The following CAD variants were observed in gnomAD, a reference collection of about 807,000 sequenced individuals.
CAD encodes multifunctional protein CAD.
In CAD, 81 loss-of-function variants were observed where a neutral mutation model predicts 237.2. The observed-to-expected ratio is 0.34, with a 90% CI of 0.29 to 0.41. The LOEUF is 0.41. Ranked by LOEUF, CAD falls within the 10% of genes least tolerant of loss-of-function variation. The pLI, the probability that CAD is intolerant of heterozygous loss-of-function variation, is 1.00. For missense variants in CAD, 2,181 were observed against 2,951.7 expected, an observed-to-expected ratio of 0.74 and a Z score of 6.05; for synonymous variants, 1,196 against 1,162.8, an observed-to-expected ratio of 1.03 and a Z score of -0.58.
In CAD at chr2:27,224,335, G is replaced by C. The variant is rs1675327226; in HGVS notation, c.1109-10G>C. 1 of 1,614,130 alleles carries C rather than the reference G, an allele frequency of 6.2e-7. No homozygotes were observed. Among genetic ancestry groups the C allele is most frequent in the South Asian group, 1.1e-5 (1 of 91,074 alleles). ...GCTCTAACATTCTACGACCTTCTTT[G>C]CTTCCACAGTTAGAGAGCGGCTGAC... On this transcript the variant is annotated splice_polypyrimidine_tract_variant and intron_variant, in intron 8 of 43. Coordinates refer to ENST00000264705, the MANE Select transcript of CAD (RefSeq NM_004341.5).
At position 27,218,817 on chromosome 2, in the gene CAD, A is replaced by G. The variant is rs147684305; in HGVS notation, c.222+801A>G. Among the ~76,000 whole-genome samples, 489 of 152,332 alleles carry G rather than the reference A, an allele frequency of 3.2e-3. 4 individuals carry two copies. The highest frequency in any genetic ancestry group is 9.4e-3 in the African/African-American group (389 of 41,578). ...AGAGGAAGTCAATCTGGCCTAGAGT[A>G]GTATCTCTCAAAATTTGTTTGGCCT... On this transcript the variant is annotated intron_variant, in intron 2 of 43. Transcript: ENST00000264705.
rs771812975 is a variant in CAD, at chr2:27,242,084, C to T, written c.6057C>T (p.Asp2019=). ...DSVQTMSCYA[D]VVVLRHPQPG... ...TGCAGACCATGAGCTGCTATGCCGA[C>T]GTCGTCGTGCTCCGGCACCCCCAGC... Residue 2019 remains aspartate, a synonymous_variant, in exon 39 of 44, where the codon GAC becomes GAT. Coordinates refer to ENST00000264705, the MANE Select transcript of CAD (RefSeq NM_004341.5). The surrounding 1 kb of genome is among the most constrained non-coding windows in gnomAD (Gnocchi z 6.4). The T allele has an allele frequency of 3.0e-5, 48 of 1,613,074 alleles. No individual in the cohort carries two copies. Among genetic ancestry groups the T allele is most frequent in the East Asian group, 4.5e-5 (2 of 44,890 alleles).
Position 27,235,847 on chromosome 2 carries a change from G to T in CAD, c.4074+207G>T. ...GCAGTGAGTGCACCACTGCACTCCAGCTTGGGAAACAGTGAGATGCTGTCT... is the reference window on the plus strand; with the variant it reads ...GCAGTGAGTGCACCACTGCACTCCATCTTGGGAAACAGTGAGATGCTGTCT... On this transcript the variant is annotated intron_variant, in intron 25 of 43. Transcript: ENST00000264705. The surrounding 1 kb of genome is among the most constrained non-coding windows in gnomAD (Gnocchi z 5.2). 2.0e-6 allele frequency: 1 copy of T among 504,274 alleles called. No homozygotes were observed. Among genetic ancestry groups the T allele is most frequent in the African/African-American group, 2.0e-5 (1 of 50,252 alleles). The allele number at this position is 504,274 out of a possible 1,614,324, so 31.2% of individuals were successfully genotyped here. A position where few individuals can be genotyped will look rare whatever the true frequency, so the allele number is the denominator to read the frequency against.
In CAD at chr2:27,232,945, GTC is replaced by G; in HGVS notation, c.2893-93_2893-92del. On this transcript the variant is annotated intron_variant, in intron 18 of 43. Transcript: ENST00000264705. The surrounding 1 kb of genome is among the most constrained non-coding windows in gnomAD (Gnocchi z 4.1). ...TCTTTCAGAGGAAGCTGTGCTGGCAGTCTCTGAAGTAGGGGCTTTGGCTTAGT... is the reference window on the plus strand; with the variant it reads ...TCTTTCAGAGGAAGCTGTGCTGGCAGTCTGAAGTAGGGGCTTTGGCTTAGT... 1 of 889,558 alleles carries G rather than the reference GTC, an allele frequency of 1.1e-6. No homozygotes were observed. Among genetic ancestry groups the G allele is most frequent in the Non-Finnish European group, 1.9e-6 (1 of 534,316 alleles). The allele number at this position is 889,558 out of a possible 1,614,324, so 55.1% of individuals were successfully genotyped here.
rs751387076 is a variant in CAD at position 27,237,925 on chromosome 2, C to A, written c.4728+43C>A. The A allele has an allele frequency of 4.4e-6, 7 of 1,580,220 alleles. No individual in the cohort carries two copies. The highest frequency in any genetic ancestry group is 6.0e-6 in the Non-Finnish European group (7 of 1,160,446). Reference sequence around the variant, plus strand: ...GGCAGGAGGCCACCACCCAGTGTCTCCTGGCTTGTGGGCCCCTGCCTAAGT... The same window carrying A: ...GGCAGGAGGCCACCACCCAGTGTCTACTGGCTTGTGGGCCCCTGCCTAAGT... On this transcript the variant is annotated intron_variant, in intron 29 of 43. Coordinates refer to ENST00000264705, the MANE Select transcript of CAD (RefSeq NM_004341.5). This position sits in a 1 kb window ranked among gnomAD's most constrained non-coding sequence, Gnocchi z 4.0.
rs1281944364 is a variant in CAD, at chr2:27,240,230, A to G, written c.5497-35A>G. 3.2e-6 allele frequency: 5 copies of G among 1,556,136 alleles called. No individual in the cohort carries two copies. Among genetic ancestry groups the G allele is most frequent in the Non-Finnish European group, 4.4e-6 (5 of 1,143,338 alleles). On this transcript the variant is annotated intron_variant, in intron 34 of 43. Transcript: ENST00000264705. This position sits in a 1 kb window ranked among gnomAD's most constrained non-coding sequence, Gnocchi z 4.6. Reference sequence around the variant, plus strand: ...CGAGACTCCGTCTCAAAAGAAAAAAAAAAAAACAACTCTGGGCCAACGTTA... The same window carrying G: ...CGAGACTCCGTCTCAAAAGAAAAAAGAAAAAACAACTCTGGGCCAACGTTA...
chr2:27,224,819 C>T lies in CAD; in HGVS notation c.1329C>T (p.Ser443=). The stretch of plus-strand genomic sequence containing the variant: ...CCAATATTGCCACAGTGCAGACCTC[C>T]CAGGGGCTGGCCGACAAGGTCTATT... ...INPNIATVQT[S]QGLADKVYFL... Residue 443 remains serine, a synonymous_variant, in exon 10 of 44, where the codon TCC becomes TCT. Transcript: ENST00000264705. 1 of 1,614,162 alleles carries T rather than the reference C, an allele frequency of 6.2e-7. No individual in the cohort carries two copies. The highest frequency in any genetic ancestry group is 8.5e-7 in the Non-Finnish European group (1 of 1,180,006).
chr2:27,225,616 T>C, intron 11 of CAD, 89 bp from the exon 12 acceptor site: 1 of 1,032,744 alleles, frequency 9.7e-7, no homozygotes, highest in South Asian at 1.3e-5. Context: ...CCAGCCATGT[T>C]ATTTTCTTTA....
At position 27,242,036 on chromosome 2, in the gene CAD, G is replaced by A. The variant is rs1331455791; in HGVS notation, c.6009G>A (p.Lys2003=). The A allele has an allele frequency of 6.2e-7, 1 of 1,613,284 alleles. No homozygotes were observed. The highest frequency in any genetic ancestry group is 1.3e-5 in the African/African-American group (1 of 74,940). ...SFSEATSSVQ[K]GESLADSVQT... is the part of the protein sequence containing the mutation. Reference sequence around the variant, plus strand: ...CGGAAGCCACATCGTCCGTCCAGAAGGGCGAATCCCTGGCTGACTCCGTGC... The same window carrying A: ...CGGAAGCCACATCGTCCGTCCAGAAAGGCGAATCCCTGGCTGACTCCGTGC... Residue 2003 remains lysine (K), a synonymous_variant, in exon 39 of 44, where the codon AAG becomes AAA. Transcript: ENST00000264705. This position sits in a 1 kb window ranked among gnomAD's most constrained non-coding sequence, Gnocchi z 6.4.
rs1572443760 is a variant in CAD at position 27,235,406 on chromosome 2, G to T, written c.3948G>T (p.Leu1316=). 1.9e-6 allele frequency: 3 copies of T among 1,611,968 alleles called. No individual in the cohort carries two copies. In the East Asian group the frequency reaches 6.7e-5, roughly 36 times the overall value. ...TTAAGATCCCCAAGAAGAATATCCT[G>T]CTGACCATTGGCAGCTATAAGGTAT... ...TGFKIPKKNI[L]LTIGSYKNKS... is the part of the protein sequence containing the mutation. The change falls in exon 24 of 44, where the codon CTG becomes CTT. Residue 1316 remains leucine (L), a synonymous_variant. Coordinates refer to ENST00000264705, the MANE Select transcript of CAD (RefSeq NM_004341.5). The surrounding 1 kb of genome is among the most constrained non-coding windows in gnomAD (Gnocchi z 5.2).
intron 6 of CAD, 129 bp from the exon 7 acceptor site, chr2:27,223,430 CAAAA>C (rs71834349): frequency 1.8e-4 from 111 of 624,376 alleles, no homozygotes; most frequent in Middle Eastern, 4.6e-4. Flanking sequence ...GACTCCGTCT[CAAAA>C]AAAAAAAAAA....
Position 27,243,888 on chromosome 2 carries a change from CCACACTCGGCATTTT to C in CAD, c.*379_*393del, listed in dbSNP as rs1282147155. The stretch of plus-strand genomic sequence containing the variant: ...CAGGGCTCTGGCTAGGGCTGCGTGC[CCACACTCGGCATTTT>C]CACACTCGTGACTCTTTGGGACTCG... On this transcript the variant is annotated 3_prime_UTR_variant, in exon 44 of 44. Coordinates refer to ENST00000264705, the MANE Select transcript of CAD (RefSeq NM_004341.5). 30 of 211,364 alleles carry C rather than the reference CCACACTCGGCATTTT, an allele frequency of 1.4e-4. No homozygotes were observed. Among genetic ancestry groups the C allele is most frequent in the Non-Finnish European group, 2.5e-4 (26 of 104,534 alleles). The allele number at this position is 211,364 out of a possible 1,614,324, so 13.1% of individuals were successfully genotyped here.
intron 2 of CAD, among the ~76,000 whole-genome samples, chr2:27,220,038 G>T (rs546248409): frequency 6.6e-6 from 1 of 152,046 alleles, no homozygotes; most frequent in South Asian, 2.1e-4. Context: ...ATTTATATGG[G>T]TGTTACCTTG....
chr2:27,243,040 G>A (rs1433129097), intron 42 of CAD, 67 bp downstream of exon 42: 2 of 1,424,680 alleles, frequency 1.4e-6, no homozygotes, highest in Admixed American at 1.8e-5. Flanking sequence ...AGGACAGAAA[G>A]GCTGGGCTGA....
chr2:27,234,816 G>T, intron 23 of CAD, 131 bp downstream of exon 23: 1 of 859,958 alleles, frequency 1.2e-6, no homozygotes, highest in South Asian at 1.7e-5. Flanking sequence ...GTAATGAGGT[G>T]GTCATTGTCC....
At position 27,239,282 on chromosome 2, in the gene CAD, A is replaced by G. The variant is rs774908239; in HGVS notation, c.5254-49A>G. On this transcript the variant is annotated intron_variant, in intron 32 of 43. Transcript: ENST00000264705. The surrounding 1 kb of genome is among the most constrained non-coding windows in gnomAD (Gnocchi z 4.0). The stretch of plus-strand genomic sequence containing the variant: ...GAGGGGGGCTCTCCAGCCCTAGGAT[A>G]TGTTCTCTGGGGATCCTTTCCCTAG... 5 of 1,603,422 alleles carry G rather than the reference A, an allele frequency of 3.1e-6. No individual in the cohort carries two copies. The highest frequency in any genetic ancestry group is 4.3e-6 in the Non-Finnish European group (5 of 1,171,376).
At position 27,242,682 on chromosome 2, in the gene CAD, C is replaced by A. The variant is rs776853866; in HGVS notation, c.6285C>A (p.Thr2095=). 6.2e-7 allele frequency: 1 copy of A among 1,613,936 alleles called. No individual in the cohort carries two copies. The highest frequency in any genetic ancestry group is 1.1e-5 in the South Asian group (1 of 91,046). Reference sequence around the variant, plus strand: ...TACATTCCCTGGCCTGCCTGCTCACCCAGTATCGTGTCAGCCTGCGCTACG... The same window carrying A: ...TACATTCCCTGGCCTGCCTGCTCACACAGTATCGTGTCAGCCTGCGCTACG... ...RTVHSLACLL[T]QYRVSLRYVA... Residue 2095 remains threonine (T), a synonymous_variant, in exon 41 of 44, where the codon ACC becomes ACA. Coordinates refer to ENST00000264705, the MANE Select transcript of CAD (RefSeq NM_004341.5). This position sits in a 1 kb window ranked among gnomAD's most constrained non-coding sequence, Gnocchi z 6.4.
In CAD at chr2:27,242,176, A is replaced by G. The variant is rs1476459253; in HGVS notation, c.6096+53A>G. On this transcript the variant is annotated intron_variant, in intron 39 of 43. Coordinates refer to ENST00000264705, the MANE Select transcript of CAD (RefSeq NM_004341.5). The surrounding 1 kb of genome is among the most constrained non-coding windows in gnomAD (Gnocchi z 6.4). ...GGTTAAGAAGGCTGGACCCAGGGGC[A>G]TGAGAACCCTTCTGCCCACGTTTTC... The G allele has an allele frequency of 1.3e-6, 2 of 1,597,736 alleles. No homozygotes were observed. The highest frequency in any genetic ancestry group is 1.3e-5 in the African/African-American group (1 of 74,602).
Position 27,226,989 on chromosome 2 carries a change from A to G in CAD, c.2287+27A>G, listed in dbSNP as rs754764993. The G allele has an allele frequency of 5.6e-6, 9 of 1,611,350 alleles. No individual in the cohort carries two copies. The Admixed American group carries it at 6.7e-5, about 12-fold the overall frequency. On this transcript the variant is annotated intron_variant, in intron 15 of 43. Transcript: ENST00000264705. ...TGAGACTCATGCCCTGGGCACCCCC[A>G]TGGGGCCCCACCATGACCAAGAATC...
Sources: allele counts gnomAD v4.1 joint callset (sites outside exome capture counted in the v4.1 genomes callset), GRCh38; gene constraint gnomAD v4.1.1; non-coding constraint Gnocchi (gnomAD v3.1); transcripts MANE v1.5; gene names NCBI Gene and HGNC (gene_info 2026-07-23, HGNC 2026-07-21).